MAML3: variants seen among roughly 807,000 people sequenced by gnomAD.
MAML3 encodes mastermind-like protein 3.
A neutral mutation model predicts 101.9 loss-of-function variants in MAML3; 27 were observed. The ratio of observed to expected loss-of-function variants is 0.27; its 90% CI spans 0.20 to 0.37. The LOEUF is 0.37. Among genes scored for constraint, MAML3 ranks in the 10% least tolerant of loss-of-function variants. The pLI, the probability that MAML3 is intolerant of heterozygous loss-of-function variation, is 1.00. For synonymous variants in MAML3, 501 were observed against 555.9 expected, an observed-to-expected ratio of 0.90 and a Z score of 1.39; for missense variants, 1,316 against 1,444.9, an observed-to-expected ratio of 0.91 and a Z score of 1.45.
At chr4:139,825,622 G>A (rs544725328) in intron 2 of MAML3, among the ~76,000 whole-genome samples, 54 of 152,282 alleles carry the variant, frequency 3.5e-4, no homozygotes, top group Non-Finnish European at 4.9e-4. Context: ...TGCAAGGCAC[G>A]GAGCACAGGC....
At chr4:140,041,154 T>A (rs1174583262) in intron 1 of MAML3, among the ~76,000 whole-genome samples, 3 of 152,188 alleles carry the variant, frequency 2.0e-5, no homozygotes, top group African/African-American at 7.2e-5. Flanking sequence ...TACAAATGCA[T>A]ACAGAGGTAT....
chr4:140,153,481 A>AGG lies in MAML3; in HGVS notation c.-155_-154insCC, dbSNP rs1729216010. 13 of 783,684 alleles carry AGG rather than the reference A, an allele frequency of 1.7e-5. No individual in the cohort carries two copies. In the Admixed American group the frequency reaches 5.6e-4, roughly 34 times the overall value. 48.5% of individuals were successfully genotyped at this position (783,684 alleles called of 1,614,324 possible). On this transcript the variant is annotated 5_prime_UTR_variant, in exon 1 of 5. Transcript: ENST00000509479. ...CGGCGATCCCGACGGGGCGAAAAAA[A>AGG]CGGGGGGGGAGATTTTGGGGTGGTT...
intron 2 of MAML3, among the ~76,000 whole-genome samples, chr4:139,749,135 A>G (rs987743475): frequency 2.0e-5 from 3 of 152,226 alleles, no homozygotes; most frequent in African/African-American, 7.2e-5. Context: ...CAAATTGAGA[A>G]AAGGCAAAGA....
intron 1 of MAML3, among the ~76,000 whole-genome samples, chr4:140,127,139 C>A (rs546222810): frequency 3.3e-5 from 5 of 152,350 alleles, no homozygotes; most frequent in African/African-American, 1.2e-4. Context: ...AGGCCCTCCA[C>A]GTCCTAATGC....
intron 2 of MAML3, among the ~76,000 whole-genome samples, chr4:139,763,088 T>C (rs780201817): frequency 6.6e-6 from 1 of 152,192 alleles, no homozygotes; most frequent in Non-Finnish European, 1.5e-5. Flanking sequence ...TCAGGAGGAA[T>C]AGAACTTTCT....
intron 2 of MAML3, among the ~76,000 whole-genome samples, chr4:139,743,094 C>G (rs1032499144): frequency 6.6e-6 from 1 of 152,186 alleles, no homozygotes; most frequent in Admixed American, 6.5e-5. Flanking sequence ...GACTTCATAC[C>G]CACCTTCACT....
intron 1 of MAML3, among the ~76,000 whole-genome samples, chr4:139,926,692 T>A (rs976067208): frequency 6.6e-6 from 1 of 152,272 alleles, no homozygotes; most frequent in Non-Finnish European, 1.5e-5. Flanking sequence ...TTTTAAACTT[T>A]AAACTTTTTT....
At position 139,744,767 on chromosome 4, in the gene MAML3, A is replaced by G. The variant is rs6841177; in HGVS notation, c.2080-14100T>C. 8.2e-3 allele frequency among the ~76,000 whole-genome samples: 1,249 copies of G among 152,240 alleles called. 16 individuals carry two copies. Among genetic ancestry groups the G allele is most frequent in the African/African-American group, 0.029 (1,203 of 41,518 alleles). On this transcript the variant is annotated intron_variant, in intron 2 of 4. Transcript: ENST00000509479. ...GCAGAGACAAGGTGCACTTCACGGA[A>G]AAGCTCAAAGATGACACCAGCTGGT...
intron 2 of MAML3, among the ~76,000 whole-genome samples, chr4:139,883,005 A>G (rs879779326): frequency 2.0e-5 from 3 of 152,254 alleles, no homozygotes; most frequent in Admixed American, 2.0e-4. Context: ...AACTATGAGG[A>G]CTTCCACCAA....
rs1438795926 is a variant in MAML3 at position 140,153,534 on chromosome 4, G to A, written c.-207C>T. On this transcript the variant is annotated 5_prime_UTR_variant, in exon 1 of 5. Transcript: ENST00000509479. ...TGTTTCCTTTTTTTAAACTGTAAAA[G>A]CTCAAGGGGAAGAAAAGGGGGGAAC... The A allele has an allele frequency of 1.8e-6, 1 of 548,432 alleles. No individual in the cohort carries two copies. Among genetic ancestry groups the A allele is most frequent in the Non-Finnish European group, 3.1e-6 (1 of 319,692 alleles). The allele number at this position is 548,432 out of a possible 1,614,324, so 34.0% of individuals were successfully genotyped here.
chr4:140,069,711 G>A lies in MAML3; in HGVS notation c.468+83149C>T, dbSNP rs183728864. ...AAGAAAGAAGAAGAAGAAGGAGGAA[G>A]AAAGAAGAAAGAAGAAGGAGCCGGG... On this transcript the variant is annotated intron_variant, in intron 1 of 4. Coordinates refer to ENST00000509479, the MANE Select transcript of MAML3 (RefSeq NM_018717.5). 7.7e-3 allele frequency among the ~76,000 whole-genome samples: 1,166 copies of A among 151,612 alleles called. 20 individuals carry two copies. The highest frequency in any genetic ancestry group is 0.027 in the African/African-American group (1,105 of 41,350).
chr4:139,844,315 C>A (rs115623030), intron 2 of MAML3, among the ~76,000 whole-genome samples: 434 of 152,354 alleles, frequency 2.8e-3, no homozygotes, highest in Non-Finnish European at 4.5e-3. Context: ...ACTAATCAGA[C>A]ACTCAGTGTC....
intron 2 of MAML3, among the ~76,000 whole-genome samples, chr4:139,808,100 T>G (rs1730731858): frequency 6.6e-6 from 1 of 152,226 alleles, no homozygotes; most frequent in Non-Finnish European, 1.5e-5. Flanking sequence ...TAACTTGCAG[T>G]GTGTGGAGAG....
intron 1 of MAML3, among the ~76,000 whole-genome samples, chr4:140,057,425 C>G (rs1483357368): frequency 6.6e-6 from 1 of 152,142 alleles, no homozygotes; most frequent in African/African-American, 2.4e-5. Context: ...AGAACAGCCC[C>G]TTGGTCAGCA....
At chr4:140,060,364 T>TAAAAAAAAAAAAAAAAA (rs1727423722) in intron 1 of MAML3, among the ~76,000 whole-genome samples, 1 of 558 alleles carries the variant, frequency 1.8e-3, no homozygotes, top group Non-Finnish European at 0.011. Context: ...AGACTCTGTC[T>TAAAAAAAAAAAAAAAAA]CAAAAAAAAA....
At chr4:139,902,526 A>G (rs1301344878) in intron 1 of MAML3, among the ~76,000 whole-genome samples, 2 of 152,346 alleles carry the variant, frequency 1.3e-5, no homozygotes, top group Middle Eastern at 3.4e-3. Flanking sequence ...TGAATCCCCC[A>G]TGGATGAAGA....
intron 1 of MAML3, among the ~76,000 whole-genome samples, chr4:139,975,096 G>A (rs1336191906): frequency 6.6e-6 from 1 of 152,098 alleles, no homozygotes; most frequent in Non-Finnish European, 1.5e-5. Flanking sequence ...TCTCTTCTCA[G>A]AGCCATCCAG....
chr4:139,943,722 T>C (rs1005745151), intron 1 of MAML3, among the ~76,000 whole-genome samples: 64 of 152,200 alleles, frequency 4.2e-4, no homozygotes, highest in Admixed American at 3.6e-3. Flanking sequence ...GTTTGGAATA[T>C]GTACAATGGA....
chr4:140,146,639 T>C (rs1729069803), intron 1 of MAML3, among the ~76,000 whole-genome samples: 2 of 152,206 alleles, frequency 1.3e-5, no homozygotes, highest in African/African-American at 4.8e-5. Context: ...GTATTTGTAA[T>C]AAAAATTTAA....
Sources: allele counts gnomAD v4.1 joint callset (sites outside exome capture counted in the v4.1 genomes callset), GRCh38; gene constraint gnomAD v4.1.1; transcripts MANE v1.5; gene names NCBI Gene and HGNC (gene_info 2026-07-23, HGNC 2026-07-21).